MCF2L: variants seen among roughly 807,000 people sequenced by gnomAD.
MCF2L encodes the protein MCF.2 cell line derived transforming sequence like, also known as guanine nucleotide exchange factor DBS.
MCF2L carries 97 observed loss-of-function variants against 153.4 expected under a neutral mutation model. The observed-to-expected ratio is 0.63, with a 90% CI of 0.54 to 0.75. MCF2L has a LOEUF of 0.75. Ranked by LOEUF, MCF2L falls within the 30% of genes least tolerant of loss-of-function variation. The probability of loss-of-function intolerance (pLI) is 0.00; values close to 1 mark genes in which losing one functional copy is unlikely to be tolerated. For missense variants in MCF2L, 1,347 were observed against 1,495.2 expected, an observed-to-expected ratio of 0.90 and a Z score of 1.64; for synonymous variants, 659 against 632.2, an observed-to-expected ratio of 1.04 and a Z score of -0.64.
At chr13:113,091,626 CGG>C (rs2035224233) in intron 26 of MCF2L, among the ~76,000 whole-genome samples, 5 of 152,208 alleles carry the variant, frequency 3.3e-5, no homozygotes, top group East Asian at 1.9e-4. Flanking sequence ...AGGGCCGACC[CGG>C]ACCCTCCTTT....
At chr13:113,067,016 G>T (rs1377036102) in intron 8 of MCF2L, among the ~76,000 whole-genome samples, 2 of 152,378 alleles carry the variant, frequency 1.3e-5, no homozygotes, top group East Asian at 3.9e-4. Context: ...CGTAGATGGG[G>T]TGCCGTGACC....
chr13:112,899,403 G>A (rs2081099477), intron 1 of MCF2L, among the ~76,000 whole-genome samples: 1 of 152,164 alleles, frequency 6.6e-6, no homozygotes, highest in Non-Finnish European at 1.5e-5. Context: ...GGCCGGTCTT[G>A]GGATTTTGAA....
At chr13:113,025,188 T>G (rs1566755784) in intron 3 of MCF2L, among the ~76,000 whole-genome samples, 1 of 112,266 alleles carries the variant, frequency 8.9e-6, no homozygotes, top group Non-Finnish European at 1.9e-5. Flanking sequence ...AGAGTCCCTG[T>G]GAGGTTTCCC....
At chr13:113,036,590 G>A (rs1277436919) in intron 3 of MCF2L, among the ~76,000 whole-genome samples, 2 of 152,212 alleles carry the variant, frequency 1.3e-5, no homozygotes, top group African/African-American at 4.8e-5. Flanking sequence ...GTGGGTGAGT[G>A]GCAGCAGCCA....
In MCF2L at chr13:112,969,961, G is replaced by A. The variant is rs780210648; in HGVS notation, c.79+503G>A. On this transcript the variant is annotated intron_variant, in intron 1 of 29. Coordinates refer to ENST00000535094, the MANE Select transcript of MCF2L (RefSeq NM_001112732.3). The surrounding 1 kb of genome is among the most constrained non-coding windows in gnomAD (Gnocchi z 4.8). ...AAGACAGATGTTTGAGACGGTATGG[G>A]TAAAGAGTGGACTGGACGTTCATTT... 2.6e-5 allele frequency among the ~76,000 whole-genome samples: 4 copies of A among 152,148 alleles called. No homozygotes were observed. The highest frequency in any genetic ancestry group is 9.7e-5 in the African/African-American group (4 of 41,422).
intron 8 of MCF2L, among the ~76,000 whole-genome samples, chr13:113,067,020 C>T (rs111879621): frequency 3.0e-4 from 45 of 152,374 alleles, no homozygotes; most frequent in African/African-American, 9.1e-4. Context: ...GATGGGGTGC[C>T]GTGACCCACG....
chr13:112,961,414 G>T (rs200186060), intron 2 of MCF2L, among the ~76,000 whole-genome samples: 2 of 152,238 alleles, frequency 1.3e-5, no homozygotes, highest in East Asian at 3.9e-4. Context: ...GAGATGCCTG[G>T]TTCCCCAGGG....
chr13:112,977,017 T>C (rs556754471), intron 1 of MCF2L, among the ~76,000 whole-genome samples: 77 of 152,238 alleles, frequency 5.1e-4, no homozygotes, highest in Middle Eastern at 3.4e-3. Flanking sequence ...ACGAGACACC[T>C]TCGTCTGTGC....
At chr13:113,063,380 C>T (rs1410041371) in intron 5 of MCF2L, among the ~76,000 whole-genome samples, 2 of 151,446 alleles carry the variant, frequency 1.3e-5, no homozygotes, top group Non-Finnish European at 2.9e-5. Context: ...TTCAGGCGTC[C>T]CTGTCCACAC....
chr13:112,926,286 TGCTGCATGGCCTGGTCTACGTACAC>T (rs1312681271), intron 2 of MCF2L, among the ~76,000 whole-genome samples: 3 of 104,072 alleles, frequency 2.9e-5, no homozygotes, highest in African/African-American at 1.3e-4. Context: ...CACAGCGGAG[TGCTGCATGGCCTGGTCTACGTACAC>T]AGCGGAGTGC....
intron 17 of MCF2L, among the ~76,000 whole-genome samples, chr13:113,083,546 CGGACTTCCTCCAGG>C (rs1197486456): frequency 6.6e-6 from 1 of 152,226 alleles, no homozygotes; most frequent in Admixed American, 6.5e-5. Context: ...CCCCTCCAGC[CGGACTTCCTCCAGG>C]GGACAGATGC....
intron 26 of MCF2L, chr13:113,091,269 C>T (rs934186469): frequency 8.0e-6 from 10 of 1,243,132 alleles, no homozygotes; most frequent in East Asian, 1.1e-4. Flanking sequence ...TGTCAGGTGG[C>T]CGTCAAGGCC....
chr13:112,914,396 CTG>C (rs2081268613), intron 2 of MCF2L, among the ~76,000 whole-genome samples: 1 of 152,272 alleles, frequency 6.6e-6, no homozygotes, highest in Non-Finnish European at 1.5e-5. Context: ...AGTGGCTACA[CTG>C]TATTCACTCG....
At chr13:112,899,342 G>A (rs2081098749) in intron 1 of MCF2L, among the ~76,000 whole-genome samples, 4 of 152,222 alleles carry the variant, frequency 2.6e-5, no homozygotes, top group Admixed American at 2.6e-4. Flanking sequence ...TTTGCCCAGG[G>A]GAAAGCAGAC....
intron 26 of MCF2L, chr13:113,091,058 C>T (rs2035160277): frequency 3.9e-6 from 5 of 1,296,384 alleles, no homozygotes; most frequent in Middle Eastern, 2.1e-4. Flanking sequence ...GCCTCCTCGC[C>T]GCCTCCCTCC....
At chr13:112,977,075 C>T (rs560538731) in intron 1 of MCF2L, among the ~76,000 whole-genome samples, 13 of 152,272 alleles carry the variant, frequency 8.5e-5, no homozygotes, top group African/African-American at 2.6e-4. Flanking sequence ...AGCCCAGGAG[C>T]GCTGAATTTT....
At chr13:112,989,880 G>T (rs1317310528) in intron 1 of MCF2L, among the ~76,000 whole-genome samples, 2 of 152,240 alleles carry the variant, frequency 1.3e-5, no homozygotes, top group Admixed American at 1.3e-4. Context: ...ACAGATCAGG[G>T]GTAGGGATGG....
rs183501223 is a variant in MCF2L at position 113,081,384 on chromosome 13, A to G, written c.1875+105A>G. 2.8e-5 allele frequency: 32 copies of G among 1,154,616 alleles called. 1 individual carries two copies. In the African/African-American group the frequency reaches 3.7e-4, roughly 13 times the overall value. 71.5% of individuals were successfully genotyped at this position (1,154,616 alleles called of 1,614,324 possible). On this transcript the variant is annotated intron_variant, in intron 16 of 29. Transcript: ENST00000535094. ...GCTCGGAGCAGCCTGCTGTCCACCA[A>G]ATGCATGTGAGAGAGCGCCCACAGC...
chr13:112,968,391 A>C, upstream of MCF2L: 1 of 1,533,322 alleles, frequency 6.5e-7, no homozygotes, highest in East Asian at 2.4e-5. Flanking sequence ...CCCTGCATAG[A>C]CACGAGCTGG....
Sources: gnomAD v4.1 joint callset for allele counts (sites outside exome capture counted in the v4.1 genomes callset) on GRCh38, gnomAD v4.1.1 for gene constraint, Gnocchi (gnomAD v3.1) non-coding constraint, MANE v1.5 for transcripts, NCBI Gene and HGNC (gene_info 2026-07-23, HGNC 2026-07-21) for gene names.